Variants in CHRDL2 observed in about 807,000 individuals in gnomAD.
The protein encoded by CHRDL2 is chordin like 2.
In CHRDL2, 41 loss-of-function variants were observed where a neutral mutation model predicts 54.3. The observed-to-expected ratio is 0.76, with a 90% confidence interval of 0.59 to 0.98. The LOEUF is 0.98. CHRDL2 is among the 50% of genes least tolerant of loss of function. The pLI, the probability that CHRDL2 is intolerant of heterozygous loss-of-function variation, is 0.00. For missense variants in CHRDL2, 518 were observed against 562.4 expected (o/e 0.92, Z 0.80); for synonymous variants, 220 against 224.3 (o/e 0.98, Z 0.17).
chr11:74,717,370 A>C (rs2034389353), intron 2 of CHRDL2, among the ~76,000 whole-genome samples: 1 of 152,242 alleles, frequency 6.6e-6, no homozygotes, highest in African/African-American at 2.4e-5. Flanking sequence ...TGGCTCAAAA[A>C]ACTTGGACTT....
rs773183020 is a variant in CHRDL2 at position 74,710,999 on chromosome 11, G to A, written c.290-8C>T. On this transcript the variant is annotated splice_region_variant and splice_polypyrimidine_tract_variant and intron_variant, in intron 3 of 10. Coordinates refer to ENST00000376332, the MANE Select transcript of CHRDL2 (RefSeq NM_001278473.3). ...CAGAGGGAGTGTGAGGTTCTGCAGTGGGGGAGGGGCAGGAGGAAGAAGAAA... is the reference window on the plus strand; with the variant it reads ...CAGAGGGAGTGTGAGGTTCTGCAGTAGGGGAGGGGCAGGAGGAAGAAGAAA... The A allele has an allele frequency of 5.6e-6, 9 of 1,608,920 alleles. No homozygotes were observed. Among genetic ancestry groups the A allele is most frequent in the Non-Finnish European group, 7.6e-6 (9 of 1,177,102 alleles).
intron 9 of CHRDL2, chr11:74,699,025 T>G (rs2033708720): frequency 6.6e-6 from 1 of 152,314 alleles, no homozygotes; most frequent in African/African-American, 2.4e-5. Flanking sequence ...ATCCTGGGAC[T>G]GAGTTCCAGG....
In CHRDL2 at chr11:74,702,778, G is replaced by A. The variant is rs200200213; in HGVS notation, c.1120+16C>T. ...TGGCCAGAGGTACACCCCACTGGGA[G>A]TGGGCCAGCACTCACCTTTTACCAG... On this transcript the variant is annotated intron_variant, in intron 9 of 10. Transcript: ENST00000376332. The A allele has an allele frequency of 1.4e-5, 22 of 1,613,908 alleles. No individual in the cohort carries two copies. Among genetic ancestry groups the A allele is most frequent in the Admixed American group, 6.7e-5 (4 of 60,026 alleles).
intron 1 of CHRDL2, among the ~76,000 whole-genome samples, chr11:74,723,366 C>T (rs1009515613): frequency 6.6e-6 from 1 of 152,108 alleles, no homozygotes. Context: ...ATTCCAAGAC[C>T]CCCAGTGGAT....
chr11:74,702,703 G>A (rs1187606204), intron 9 of CHRDL2, 91 bp downstream of exon 9: 4 of 1,398,068 alleles, frequency 2.9e-6, no homozygotes, highest in Admixed American at 1.8e-5. Context: ...CACCTGATCA[G>A]CAAAACGTCC....
chr11:74,728,336 C>G (rs2034601658), intron 1 of CHRDL2, among the ~76,000 whole-genome samples: 1 of 152,134 alleles, frequency 6.6e-6, no homozygotes, highest in African/African-American at 2.4e-5. Context: ...CTTGAGATCT[C>G]ACTTAAACTA....
intron 2 of CHRDL2, among the ~76,000 whole-genome samples, chr11:74,715,844 G>C (rs1398076944): frequency 2.0e-5 from 3 of 151,860 alleles, no homozygotes; most frequent in Admixed American, 6.6e-5. Context: ...CGGGCGTGGT[G>C]GTGCATGCCT....
chr11:74,710,133 A>AAG (rs2034139103), intron 4 of CHRDL2, among the ~76,000 whole-genome samples: 3 of 151,440 alleles, frequency 2.0e-5, no homozygotes, highest in Admixed American at 2.0e-4. Context: ...GGAGAATGGC[A>AAG]TGAACCCGGG....
chr11:74,712,970 A>G (rs1006112197), intron 3 of CHRDL2, among the ~76,000 whole-genome samples: 1 of 152,188 alleles, frequency 6.6e-6, no homozygotes, highest in African/African-American at 2.4e-5. Context: ...TGACTCCTTT[A>G]GTCCTTCTGA....
intron 1 of CHRDL2, among the ~76,000 whole-genome samples, chr11:74,719,817 C>G (rs1343398030): frequency 2.0e-5 from 3 of 152,176 alleles, no homozygotes; most frequent in African/African-American, 7.2e-5. Flanking sequence ...TTCTCACCTC[C>G]CATAACCCAC....
rs761517458 is a variant in CHRDL2, at chr11:74,696,573, A to G, written c.1226T>C (p.Val409Ala). 1.2e-6 allele frequency: 2 copies of G among 1,613,794 alleles called. No homozygotes were observed. The highest frequency in any genetic ancestry group is 8.5e-7 in the Non-Finnish European group (1 of 1,179,934). Residue 409 changes from valine to alanine, a missense_variant, in exon 11 of 11, where the codon GTC (valine) becomes GCC (alanine). Transcript: ENST00000376332. ...CAGCTCCAGGGTCTGGGCTAGGAAG[A>G]CGTTCCAGTGACCTGCATGGAGGAG... Reference protein sequence around the residue: ...LAGPHEGHWNVFLAQTLELKV... With the variant: ...LAGPHEGHWNAFLAQTLELKV...
At chr11:74,702,252 CAAAA>C (rs11302036) in intron 9 of CHRDL2, among the ~76,000 whole-genome samples, 2 of 141,682 alleles carry the variant, frequency 1.4e-5, no homozygotes. Context: ...GACCCTGTCT[CAAAA>C]AAAAAAAAAA....
intron 1 of CHRDL2, among the ~76,000 whole-genome samples, chr11:74,719,640 A>G (rs2034458330): frequency 6.6e-6 from 1 of 152,238 alleles, no homozygotes; most frequent in South Asian, 2.1e-4. Context: ...ATCCTTAAAA[A>G]TGGTCGTTGC....
At chr11:74,711,093 C>T (rs2034180312) in intron 3 of CHRDL2, 102 bp from the exon 4 acceptor site, 11 of 1,331,308 alleles carry the variant, frequency 8.3e-6, no homozygotes, top group Non-Finnish European at 1.1e-5. Context: ...CATTTGACCC[C>T]AGCTTGATAT....
rs753144296 is a variant in CHRDL2 at position 74,703,387 on chromosome 11, G to A, written c.864C>T (p.Asp288=). Residue 288 remains aspartate, a synonymous_variant, in exon 8 of 11, where the codon GAC becomes GAT. Coordinates refer to ENST00000376332, the MANE Select transcript of CHRDL2 (RefSeq NM_001278473.3). ...CGGTGGGACAGGTCACACGCTGGCAGTCCTGGCGGCCATCCTCACAGGTGC... is the reference window on the plus strand; with the variant it reads ...CGGTGGGACAGGTCACACGCTGGCAATCCTGGCGGCCATCCTCACAGGTGC... The part of the protein sequence containing the change: ...ILCTCEDGRQ[D]CQRVTCPTEY... 3 of 1,613,718 alleles carry A rather than the reference G, an allele frequency of 1.9e-6. No individual in the cohort carries two copies. In the Admixed American group the frequency reaches 5.0e-5, roughly 27 times the overall value.
chr11:74,710,813 G>A (rs200100901), intron 4 of CHRDL2, 36 bp downstream of exon 4: 233 of 1,609,024 alleles, frequency 1.4e-4, no homozygotes, highest in Admixed American at 3.4e-4. Context: ...GGCCCAGAGC[G>A]CTGGCCTGTG....
At chr11:74,705,304 C>T (rs888568654) in intron 6 of CHRDL2, among the ~76,000 whole-genome samples, 1 of 152,194 alleles carries the variant, frequency 6.6e-6, no homozygotes, top group African/African-American at 2.4e-5. Flanking sequence ...AGTTTGGGGA[C>T]TGGGCAGCTC....
rs548757772 is a variant in CHRDL2, at chr11:74,725,087, A to G, written c.82+5720T>C. On this transcript the variant is annotated intron_variant, in intron 1 of 10. Coordinates refer to ENST00000376332, the MANE Select transcript of CHRDL2 (RefSeq NM_001278473.3). ...CTGCTCACTGCAACCTCCGCCTCCC[A>G]GGTTCAAGCGATTCTCCTGCCTCAG... Among the ~76,000 whole-genome samples, 4 of 151,656 alleles carry G rather than the reference A, an allele frequency of 2.6e-5. No homozygotes were observed. The South Asian group carries it at 6.3e-4, about 24-fold the overall frequency.
intron 9 of CHRDL2, among the ~76,000 whole-genome samples, chr11:74,697,871 T>G (rs371447720): frequency 1.1e-4 from 17 of 152,102 alleles, no homozygotes; most frequent in African/African-American, 3.9e-4. Context: ...TCTCAGGGCA[T>G]AGAACATATG....
Sources: gnomAD v4.1 joint callset for allele counts (sites outside exome capture counted in the v4.1 genomes callset) on GRCh38, gnomAD v4.1.1 for gene constraint, MANE v1.5 for transcripts, NCBI Gene and HGNC (gene_info 2026-07-23, HGNC 2026-07-21) for gene names.